The following NRG3 variants were observed in gnomAD, a reference collection of about 807,000 sequenced individuals.
NRG3 encodes the protein neuregulin 3, also known as pro-neuregulin-3, membrane-bound isoform.
NRG3 carries 31 observed loss-of-function variants against 66.9 expected under a neutral mutation model. The ratio of observed to expected loss-of-function variants is 0.46; its 90% CI spans 0.35 to 0.63. The LOEUF (loss-of-function observed/expected upper bound fraction) is 0.63, where lower values mean the gene tolerates loss of function less well. NRG3 is among the 20% of genes least tolerant of loss of function. The pLI, the probability that NRG3 is intolerant of heterozygous loss-of-function variation, is 0.00. For missense variants in NRG3, 910 were observed against 878.9 expected (o/e 1.04, Z -0.45); for synonymous variants, 393 against 359.4 (o/e 1.09, Z -1.06).
intron 3 of NRG3, among the ~76,000 whole-genome samples, chr10:82,808,365 T>C (rs1475184429): frequency 6.6e-6 from 1 of 152,170 alleles, no homozygotes; most frequent in African/African-American, 2.4e-5. Context: ...TTCCAGAAAA[T>C]AAATATTCAA....
intron 6 of NRG3, among the ~76,000 whole-genome samples, chr10:82,971,391 A>T (rs972736803): frequency 1.3e-4 from 20 of 152,068 alleles, no homozygotes; most frequent in Admixed American, 1.0e-3. Context: ...AAGTTATGAC[A>T]ATGTTAATGG....
At chr10:81,932,873 C>T (rs560337551) in intron 1 of NRG3, among the ~76,000 whole-genome samples, 1 of 152,062 alleles carries the variant, frequency 6.6e-6, no homozygotes, top group Admixed American at 6.5e-5. Context: ...CTTTGGGAGG[C>T]CAAGGCGGGT....
intron 2 of NRG3, among the ~76,000 whole-genome samples, chr10:82,448,210 T>C (rs887792560): frequency 6.6e-6 from 1 of 152,222 alleles, no homozygotes; most frequent in Non-Finnish European, 1.5e-5. Flanking sequence ...TAGGGAAATG[T>C]ATAATGTGCT....
chr10:82,842,001 C>T (rs1234169953), intron 3 of NRG3, among the ~76,000 whole-genome samples: 1 of 152,106 alleles, frequency 6.6e-6, no homozygotes, highest in East Asian at 1.9e-4. Context: ...CAGCTCATCC[C>T]TCTAGGGCTG....
intron 2 of NRG3, among the ~76,000 whole-genome samples, chr10:82,689,487 T>A (rs1239443221): frequency 6.6e-6 from 1 of 152,168 alleles, no homozygotes; most frequent in East Asian, 1.9e-4. Flanking sequence ...ATGATCACAG[T>A]CTGCTAGATG....
chr10:82,352,815 G>T (rs1245918467), intron 1 of NRG3, among the ~76,000 whole-genome samples: 1 of 151,606 alleles, frequency 6.6e-6, no homozygotes, highest in Non-Finnish European at 1.5e-5. Flanking sequence ...GAAGATTTTG[G>T]TCTTCATCGT....
At chr10:82,872,393 G>A (rs1591792414) in intron 4 of NRG3, among the ~76,000 whole-genome samples, 1 of 152,076 alleles carries the variant, frequency 6.6e-6, no homozygotes, top group East Asian at 1.9e-4. Flanking sequence ...AGGAGGTAAT[G>A]ATCTGAAGCA....
At chr10:82,230,816 T>A (rs545219668) in intron 1 of NRG3, among the ~76,000 whole-genome samples, 3 of 152,302 alleles carry the variant, frequency 2.0e-5, no homozygotes, top group South Asian at 4.1e-4. Context: ...AGAGGTGGTA[T>A]GCATATGGTG....
intron 2 of NRG3, among the ~76,000 whole-genome samples, chr10:82,642,960 G>A (rs2050684735): frequency 6.6e-6 from 1 of 151,964 alleles, no homozygotes; most frequent in South Asian, 2.1e-4. Context: ...AATGTGTATG[G>A]ATAAAGTGAT....
intron 3 of NRG3, among the ~76,000 whole-genome samples, chr10:82,768,323 C>A (rs138787058): frequency 6.6e-6 from 1 of 152,234 alleles, no homozygotes; most frequent in African/African-American, 2.4e-5. Context: ...TTTCTCCATC[C>A]CAGTTCAATA....
At chr10:82,328,565 T>C (rs2081984613) in intron 1 of NRG3, among the ~76,000 whole-genome samples, 1 of 152,292 alleles carries the variant, frequency 6.6e-6, no homozygotes, top group African/African-American at 2.4e-5. Flanking sequence ...CCTCTGCTCC[T>C]GTGGACTCTG....
chr10:82,574,456 T>C (rs2045921592), intron 2 of NRG3, among the ~76,000 whole-genome samples: 1 of 151,816 alleles, frequency 6.6e-6, no homozygotes, highest in East Asian at 1.9e-4. Context: ...GAATAAGTTC[T>C]AGTGTTTGGT....
chr10:82,198,336 C>G (rs1365936549), intron 1 of NRG3, among the ~76,000 whole-genome samples: 3 of 151,930 alleles, frequency 2.0e-5, no homozygotes, highest in Admixed American at 6.6e-5. Flanking sequence ...TGCAAAAGCT[C>G]TTAGTGAGGT....
chr10:82,510,338 A>T (rs1206300682), intron 2 of NRG3, among the ~76,000 whole-genome samples: 1 of 152,112 alleles, frequency 6.6e-6, no homozygotes, highest in Non-Finnish European at 1.5e-5. Flanking sequence ...AATTCCCACA[A>T]GTGTGATGCT....
chr10:82,422,352 T>G (rs946236062), intron 2 of NRG3, among the ~76,000 whole-genome samples: 17 of 152,080 alleles, frequency 1.1e-4, no homozygotes, highest in African/African-American at 3.9e-4. Context: ...GAATTTGTAA[T>G]GTATTAATAT....
intron 1 of NRG3, among the ~76,000 whole-genome samples, chr10:82,017,273 T>G (rs974774843): frequency 6.6e-6 from 1 of 152,218 alleles, no homozygotes; most frequent in Non-Finnish European, 1.5e-5. Flanking sequence ...CTCATCCTTT[T>G]TAATGGTGGC....
chr10:82,492,756 T>G (rs1193575889), intron 2 of NRG3, among the ~76,000 whole-genome samples: 3 of 152,220 alleles, frequency 2.0e-5, no homozygotes, highest in Non-Finnish European at 4.4e-5. Context: ...TAAAATTACA[T>G]GCAAATGTTG....
At chr10:82,645,140 A>G (rs766555954) in intron 2 of NRG3, among the ~76,000 whole-genome samples, 10 of 152,122 alleles carry the variant, frequency 6.6e-5, no homozygotes, top group Non-Finnish European at 8.8e-5. Context: ...CAGAAGTATC[A>G]TGATAGAAAA....
chr10:82,598,175 A>G (rs149738863), intron 2 of NRG3, among the ~76,000 whole-genome samples: 55 of 152,350 alleles, frequency 3.6e-4, no homozygotes, highest in African/African-American at 1.3e-3. Context: ...AAAATTAAAT[A>G]TCTTATTTTG....
Sources: allele counts gnomAD v4.1 joint callset (sites outside exome capture counted in the v4.1 genomes callset), GRCh38; gene constraint gnomAD v4.1.1; transcripts MANE v1.5; gene names NCBI Gene and HGNC (gene_info 2026-07-23, HGNC 2026-07-21).